KCNMA1: variants seen among roughly 807,000 people sequenced by gnomAD.
KCNMA1 encodes potassium calcium-activated channel subfamily M alpha 1.
KCNMA1 carries 29 observed loss-of-function variants against 140.0 expected under a neutral mutation model. That is an observed-to-expected ratio of 0.21 (90% CI 0.15 to 0.28). KCNMA1 has a LOEUF of 0.28. KCNMA1 is among the 10% of genes least tolerant of loss of function. The pLI is 1.00. For synonymous variants in KCNMA1, 612 were observed against 611.9 expected, an observed-to-expected ratio of 1.00 and a Z score of 0.00; for missense variants, 880 against 1,602.2, an observed-to-expected ratio of 0.55 and a Z score of 7.70.
chr10:77,178,596 C>T (rs980511591), intron 5 of KCNMA1, among the ~76,000 whole-genome samples: 6 of 151,926 alleles, frequency 3.9e-5, no homozygotes, highest in African/African-American at 7.3e-5. Flanking sequence ...TCTGAGCTAT[C>T]GGGGAGGCTG....
chr10:77,074,093 T>G (rs1277451996), intron 13 of KCNMA1, among the ~76,000 whole-genome samples: 1 of 152,174 alleles, frequency 6.6e-6, no homozygotes, highest in Non-Finnish European at 1.5e-5. Context: ...TACAAGGCTT[T>G]CATGTCAAGT....
intron 2 of KCNMA1, among the ~76,000 whole-genome samples, chr10:77,338,096 A>G (rs925578048): frequency 2.1e-4 from 32 of 152,306 alleles, no homozygotes; most frequent in African/African-American, 7.7e-4. Flanking sequence ...CCAGCAAAGT[A>G]TCTGTAAGGG....
intron 7 of KCNMA1, among the ~76,000 whole-genome samples, chr10:77,110,800 G>A (rs1188562296): frequency 6.6e-6 from 1 of 152,152 alleles, no homozygotes; most frequent in Admixed American, 6.5e-5. Context: ...CTTCCGTAGG[G>A]GGCTGCCTCC....
intron 12 of KCNMA1, among the ~76,000 whole-genome samples, chr10:77,083,990 G>A (rs190207153): frequency 6.6e-6 from 1 of 152,126 alleles, no homozygotes; most frequent in Non-Finnish European, 1.5e-5. Flanking sequence ...ATTAATTTTG[G>A]GAAACTGGAT....
rs150368360 is a variant in KCNMA1 at position 77,457,685 on chromosome 10, T to A, written c.379-53662A>T. Among the ~76,000 whole-genome samples, 989 of 152,222 alleles carry A rather than the reference T, an allele frequency of 6.5e-3. 45 individuals carry two copies. Among genetic ancestry groups the A allele is most frequent in the Admixed American group, 0.061 (926 of 15,276 alleles). ...GATATTTTGGCATGAACTCTGGGTT[T>A]CCTCTGGGGTCCCTGGTGGGATCAG... On this transcript the variant is annotated intron_variant, in intron 1 of 27. Coordinates refer to ENST00000286628, the MANE Select transcript of KCNMA1 (RefSeq NM_001161352.2).
chr10:77,494,163 G>A (rs2040976414), intron 1 of KCNMA1, among the ~76,000 whole-genome samples: 1 of 152,248 alleles, frequency 6.6e-6, no homozygotes, highest in South Asian at 2.1e-4. Flanking sequence ...AACCATGGGA[G>A]AGGACTTTTA....
intron 1 of KCNMA1, among the ~76,000 whole-genome samples, chr10:77,430,005 C>A (rs2097118320): frequency 6.6e-6 from 1 of 152,132 alleles, no homozygotes; most frequent in South Asian, 2.1e-4. Context: ...ATACAAGATA[C>A]AAGAAACCAT....
At chr10:77,107,677 G>A (rs2097223500) in intron 9 of KCNMA1, among the ~76,000 whole-genome samples, 1 of 152,174 alleles carries the variant, frequency 6.6e-6, no homozygotes, top group Non-Finnish European at 1.5e-5. Flanking sequence ...TCACATTTGG[G>A]AAGCCAAACA....
At chr10:77,554,663 T>C (rs1481568718) in intron 1 of KCNMA1, among the ~76,000 whole-genome samples, 1 of 150,888 alleles carries the variant, frequency 6.6e-6, no homozygotes, top group African/African-American at 2.4e-5. Flanking sequence ...GAAAACACTT[T>C]TGAAATTTGG....
chr10:77,025,520 G>A (rs1252750773), intron 16 of KCNMA1: 2 of 1,261,578 alleles, frequency 1.6e-6, no homozygotes, highest in Admixed American at 1.9e-5. Context: ...ACTGACACCA[G>A]AAGGAAAGAA....
chr10:77,381,962 C>T (rs1241142185), intron 2 of KCNMA1, among the ~76,000 whole-genome samples: 2 of 152,144 alleles, frequency 1.3e-5, no homozygotes, highest in African/African-American at 2.4e-5. Context: ...CCCTGAGAGG[C>T]GCCACCCAAC....
chr10:77,325,161 C>T (rs2083701194), intron 2 of KCNMA1, among the ~76,000 whole-genome samples: 1 of 152,144 alleles, frequency 6.6e-6, no homozygotes, highest in Non-Finnish European at 1.5e-5. Context: ...ACTCAGGATG[C>T]AAATGCCTCA....
chr10:77,586,028 A>G (rs2077183314), intron 1 of KCNMA1, among the ~76,000 whole-genome samples: 1 of 152,236 alleles, frequency 6.6e-6, no homozygotes, highest in Non-Finnish European at 1.5e-5. Context: ...ACTTTATATC[A>G]GAGTGAAATG....
intron 5 of KCNMA1, among the ~76,000 whole-genome samples, chr10:77,179,283 C>T (rs2098782174): frequency 6.6e-6 from 1 of 152,154 alleles, no homozygotes; most frequent in Non-Finnish European, 1.5e-5. Flanking sequence ...GAGCTCAGAG[C>T]TGAGCTTTAA....
chr10:76,910,173 G>A, intron 24 of KCNMA1, 77 bp from the exon 25 acceptor site: 2 of 1,529,704 alleles, frequency 1.3e-6, no homozygotes, highest in Non-Finnish European at 1.8e-6. Context: ...CCAGGCTACT[G>A]GTTTAGAAAT....
chr10:77,051,731 A>C (rs961706751), intron 14 of KCNMA1, among the ~76,000 whole-genome samples: 2 of 152,304 alleles, frequency 1.3e-5, no homozygotes, highest in African/African-American at 4.8e-5. Flanking sequence ...AAAAAATCCC[A>C]GCCTTATCAT....
chr10:77,478,433 A>C (rs2098323094), intron 1 of KCNMA1, among the ~76,000 whole-genome samples: 1 of 152,246 alleles, frequency 6.6e-6, no homozygotes, highest in African/African-American at 2.4e-5. Flanking sequence ...AAACACAAAC[A>C]GCCCTAGTGA....
intron 2 of KCNMA1, among the ~76,000 whole-genome samples, chr10:77,349,118 C>T (rs753894513): frequency 2.4e-4 from 37 of 152,284 alleles, no homozygotes; most frequent in South Asian, 8.3e-4. Context: ...CCAATTCATA[C>T]GTTGAAACCT....
At chr10:77,117,556 AAAAAAAAAAG>A (rs2097507525) in intron 6 of KCNMA1, among the ~76,000 whole-genome samples, 1 of 150,438 alleles carries the variant, frequency 6.6e-6, no homozygotes, top group African/African-American at 2.4e-5. Flanking sequence ...AAAAAAAAAA[AAAAAAAAAAG>A]AAAAGAAAAG....
Sources: gnomAD v4.1 joint callset for allele counts (sites outside exome capture counted in the v4.1 genomes callset) on GRCh38, gnomAD v4.1.1 for gene constraint, MANE v1.5 for transcripts, NCBI Gene and HGNC (gene_info 2026-07-23, HGNC 2026-07-21) for gene names.